NAV1: variants seen among roughly 807,000 people sequenced by gnomAD.
The protein encoded by NAV1 is neuron navigator 1, also known as pore membrane and/or filament interacting like protein 3.
A neutral mutation model predicts 175.2 loss-of-function variants in NAV1; 18 were observed. The ratio of observed to expected loss-of-function variants is 0.10; its 90% confidence interval spans 0.07 to 0.15. The LOEUF is 0.15. Among genes scored for constraint, NAV1 ranks in the 10% least tolerant of loss-of-function variants. The pLI, the probability that NAV1 is intolerant of heterozygous loss-of-function variation, is 1.00. For synonymous variants in NAV1, 897 were observed against 978.7 expected, an observed-to-expected ratio of 0.92 and a Z score of 1.56; for missense variants, 1,731 against 2,436.6, an observed-to-expected ratio of 0.71 and a Z score of 6.10.
intron 1 of NAV1, among the ~76,000 whole-genome samples, chr1:201,698,701 A>G (rs1387361810): frequency 6.6e-6 from 1 of 152,230 alleles, no homozygotes; most frequent in Non-Finnish European, 1.5e-5. Flanking sequence ...GCATCTTCAG[A>G]TAAGGTGCCT....
intron 1 of NAV1, among the ~76,000 whole-genome samples, chr1:201,585,542 A>G (rs1666999747): frequency 1.3e-5 from 2 of 151,984 alleles, no homozygotes; most frequent in Admixed American, 1.3e-4. Context: ...ACAGATTAGG[A>G]AAAAAAATTT....
rs879892472 is a variant in NAV1 at position 201,803,517 on chromosome 1, T to C, written c.3518-76T>C. On this transcript the variant is annotated intron_variant, in intron 15 of 29. Coordinates refer to ENST00000367296, the Ensembl canonical transcript of NAV1. ...GTTGGTTCTCCTTTCTCTTATCTTC[T>C]GCCACTAGACTTGCCTGAAGTCTCA... is the stretch of plus-strand genomic sequence containing the variant. 4.6e-5 allele frequency: 69 copies of C among 1,499,162 alleles called. No homozygotes were observed. In the Middle Eastern group the frequency reaches 5.3e-4, roughly 12 times the overall value. 92.9% of individuals were successfully genotyped at this position (1,499,162 alleles called of 1,614,324 possible). A position where few individuals can be genotyped will look rare whatever the true frequency, so the allele number is the denominator to read the frequency against.
At chr1:201,582,318 C>G (rs895082044) in intron 1 of NAV1, among the ~76,000 whole-genome samples, 1 of 152,180 alleles carries the variant, frequency 6.6e-6, no homozygotes, top group Non-Finnish European at 1.5e-5. Context: ...ACGAGTCAAA[C>G]AGGGGAGGAA....
intron 2 of NAV1, among the ~76,000 whole-genome samples, chr1:201,717,455 C>T (rs10753905): frequency 0.44 from 67,425 of 152,084 alleles, 14,973 homozygotes; most frequent in Admixed American, 0.48. Context: ...AAGTCCAAGC[C>T]ACCCCTTCAA....
At chr1:201,695,279 C>T (rs1206212566) in intron 1 of NAV1, among the ~76,000 whole-genome samples, 3 of 152,258 alleles carry the variant, frequency 2.0e-5, no homozygotes, top group Non-Finnish European at 4.4e-5. Context: ...TAACAGCTTT[C>T]TCCTCTCCGG....
At chr1:201,566,145 C>A (rs1666349619) in intron 1 of NAV1, among the ~76,000 whole-genome samples, 1 of 152,196 alleles carries the variant, frequency 6.6e-6, no homozygotes, top group South Asian at 2.1e-4. Context: ...CCGACACATA[C>A]ACCATTCTGA....
intron 2 of NAV1, among the ~76,000 whole-genome samples, chr1:201,604,416 C>T (rs760226587): frequency 9.2e-5 from 14 of 152,096 alleles, no homozygotes; most frequent in East Asian, 3.9e-4. Flanking sequence ...CAACGGCTCA[C>T]GCCTGTAATC....
chr1:201,803,833 C>G (rs763554571), intron 16 of NAV1, 119 bp downstream of exon 20: 318 of 1,311,704 alleles, frequency 2.4e-4, no homozygotes, highest in South Asian at 4.0e-4. Context: ...AACACTGAGC[C>G]CTAGTGTGAT....
At chr1:201,575,838 T>G (rs561743214) in intron 1 of NAV1, among the ~76,000 whole-genome samples, 1 of 152,204 alleles carries the variant, frequency 6.6e-6, no homozygotes, top group African/African-American at 2.4e-5. Context: ...TCTTGGTCCT[T>G]GATCACCAGG....
rs2102815046 is a variant in NAV1 at position 201,810,626 on chromosome 1, C to G, written c.4665C>G (p.Val1555=). The change falls in exon 24 of 30, where the codon GTC becomes GTG. Residue 1555 remains valine, a synonymous_variant. Coordinates refer to ENST00000367296, the Ensembl canonical transcript of NAV1. This position sits in a 1 kb window ranked among gnomAD's most constrained non-coding sequence, Gnocchi z 6.0. ...TCCTGCTGAAGCACCGGCGCCTCGTCCTCTCGGGCCCCAGCGGCACGGGCA... is the reference window on the plus strand; with the variant it reads ...TCCTGCTGAAGCACCGGCGCCTCGTGCTCTCGGGCCCCAGCGGCACGGGCA... The G allele has an allele frequency of 2.5e-6, 4 of 1,614,144 alleles. No homozygotes were observed. The highest frequency in any genetic ancestry group is 2.7e-5 in the African/African-American group (2 of 75,032).
At chr1:201,602,809 C>T (rs1331317526) in intron 2 of NAV1, among the ~76,000 whole-genome samples, 1 of 152,070 alleles carries the variant, frequency 6.6e-6, no homozygotes, top group African/African-American at 2.4e-5. Flanking sequence ...TCAGCTCCTA[C>T]TCACACTCCT....
At chr1:201,603,297 C>T (rs938716459) in intron 2 of NAV1, among the ~76,000 whole-genome samples, 3 of 152,210 alleles carry the variant, frequency 2.0e-5, no homozygotes. Flanking sequence ...CAAGTCAATC[C>T]TGCCACCTTA....
chr1:201,780,365 A>G (rs1222693771), intron 3 of NAV1, 56 bp from the exon 8 acceptor site: 2 of 1,605,258 alleles, frequency 1.2e-6, no homozygotes, highest in Admixed American at 1.7e-5. Flanking sequence ...TGAAACATTT[A>G]TTTTTTGCCT....
chr1:201,576,328 G>A (rs763229197), intron 1 of NAV1, among the ~76,000 whole-genome samples: 15 of 152,218 alleles, frequency 9.9e-5, no homozygotes, highest in Non-Finnish European at 1.6e-4. Flanking sequence ...CCAGGTGTGT[G>A]TATCAATAGT....
chr1:201,597,402 C>A (rs976958619), intron 2 of NAV1, among the ~76,000 whole-genome samples: 4 of 152,248 alleles, frequency 2.6e-5, no homozygotes, highest in African/African-American at 9.6e-5. Context: ...TCCCCTCCGG[C>A]CTCACTCTGA....
In NAV1 at chr1:201,710,176, A is replaced by C. The variant is rs909938230; in HGVS notation, c.758-2641A>C. ...CATTTTTCCTTAAAAAAAAAAAAAA[A>C]AGACATTTTCCTAACGTGACATGTA... On this transcript the variant is annotated intron_variant, in intron 1 of 29. Transcript: ENST00000367296. Among the ~76,000 whole-genome samples, 222 of 146,648 alleles carry C rather than the reference A, an allele frequency of 1.5e-3. 1 individual carries two copies. Among genetic ancestry groups the C allele is most frequent in the African/African-American group, 5.3e-3 (214 of 40,308 alleles).
chr1:201,559,069 A>T (rs1163946236), intron 1 of NAV1, among the ~76,000 whole-genome samples: 1 of 152,168 alleles, frequency 6.6e-6, no homozygotes, highest in Non-Finnish European at 1.5e-5. Flanking sequence ...AATAATTTTA[A>T]CCTAGCTCAT....
At chr1:201,604,612 G>A (rs1028422604) in intron 2 of NAV1, among the ~76,000 whole-genome samples, 1 of 151,648 alleles carries the variant, frequency 6.6e-6, no homozygotes, top group African/African-American at 2.4e-5. Context: ...AACCTGGGAG[G>A]CGGAGGTTGC....
At chr1:201,648,315 C>T (rs1669046879) in exon 1 of NAV1, 47 of 1,146,536 alleles carry the variant, frequency 4.1e-5, no homozygotes, top group Non-Finnish European at 4.9e-5. Context: ...CACCGCTGGG[C>T]GCCGGAGGAG....
Sources: allele counts gnomAD v4.1 joint callset (sites outside exome capture counted in the v4.1 genomes callset), GRCh38; gene constraint gnomAD v4.1.1; non-coding constraint Gnocchi (gnomAD v3.1); transcripts MANE v1.5; gene names NCBI Gene and HGNC (gene_info 2026-07-23, HGNC 2026-07-21).